The following SGMS1 variants were observed in gnomAD, a reference collection of about 807,000 sequenced individuals.
The protein encoded by SGMS1 is phosphatidylcholine:ceramide cholinephosphotransferase 1.
Under a neutral mutation model 46.2 loss-of-function variants are expected in SGMS1, and 13 were observed. The observed-to-expected ratio is 0.28, with a 90% CI of 0.18 to 0.45. The LOEUF is 0.45. Among genes scored for constraint, SGMS1 ranks in the 20% least tolerant of loss-of-function variants. The probability of loss-of-function intolerance (pLI) is 1.00; values close to 1 mark genes in which losing one functional copy is unlikely to be tolerated. For missense variants in SGMS1, 324 were observed against 519.9 expected, an observed-to-expected ratio of 0.62 and a Z score of 3.66; for synonymous variants, 203 against 187.8, an observed-to-expected ratio of 1.08 and a Z score of -0.66.
At chr10:50,497,562 G>A (rs577949277) in intron 3 of SGMS1, among the ~76,000 whole-genome samples, 8 of 152,216 alleles carry the variant, frequency 5.3e-5, no homozygotes, top group Non-Finnish European at 7.3e-5. Flanking sequence ...GGAGGCCGAG[G>A]CAGATGGATC....
At chr10:50,622,394 C>T (rs1384139340) in intron 1 of SGMS1, among the ~76,000 whole-genome samples, 3 of 152,188 alleles carry the variant, frequency 2.0e-5, no homozygotes, top group Non-Finnish European at 4.4e-5. Context: ...TCAGTCCCCC[C>T]TGAATGTTTC....
intron 6 of SGMS1, among the ~76,000 whole-genome samples, chr10:50,372,413 C>G (rs1329798895): frequency 1.3e-5 from 2 of 152,058 alleles, no homozygotes; most frequent in Non-Finnish European, 2.9e-5. Context: ...AGCTAATAGG[C>G]CGGGCACACG....
intron 2 of SGMS1, among the ~76,000 whole-genome samples, chr10:50,547,009 G>A (rs1838107319): frequency 6.6e-6 from 1 of 152,032 alleles, no homozygotes; most frequent in African/African-American, 2.4e-5. Flanking sequence ...TCCCAAAATA[G>A]GTATTACTGT....
chr10:50,356,794 A>G (rs1483838691), intron 6 of SGMS1, among the ~76,000 whole-genome samples: 1 of 152,166 alleles, frequency 6.6e-6, no homozygotes, highest in Admixed American at 6.5e-5. Context: ...TGGAACCATC[A>G]TTCTCAGCAA....
intron 6 of SGMS1, among the ~76,000 whole-genome samples, chr10:50,356,500 C>T (rs1343048087): frequency 6.6e-6 from 1 of 151,970 alleles, no homozygotes; most frequent in Non-Finnish European, 1.5e-5. Context: ...ACCTTCCCTC[C>T]ACTATTGTCC....
chr10:50,391,501 T>C (rs1848766458), intron 6 of SGMS1, among the ~76,000 whole-genome samples: 1 of 152,122 alleles, frequency 6.6e-6, no homozygotes, highest in South Asian at 2.1e-4. Flanking sequence ...TGGCTATTAT[T>C]AAAAAGCCAA....
intron 2 of SGMS1, among the ~76,000 whole-genome samples, chr10:50,583,494 C>T (rs1370267617): frequency 6.6e-6 from 1 of 152,122 alleles, no homozygotes; most frequent in Non-Finnish European, 1.5e-5. Flanking sequence ...TAGGAATAGG[C>T]CAATATACCT....
At chr10:50,443,797 G>A (rs1849575145) in intron 5 of SGMS1, among the ~76,000 whole-genome samples, 1 of 151,820 alleles carries the variant, frequency 6.6e-6, no homozygotes, top group African/African-American at 2.4e-5. Context: ...TATATTAAAA[G>A]TATAATATTG....
intron 6 of SGMS1, among the ~76,000 whole-genome samples, chr10:50,386,066 G>A (rs1848676863): frequency 6.6e-6 from 1 of 152,116 alleles, no homozygotes; most frequent in African/African-American, 2.4e-5. Flanking sequence ...ATTCTGCGAT[G>A]CCTAACACAT....
chr10:50,564,319 CTG>C (rs1169377631), intron 2 of SGMS1, among the ~76,000 whole-genome samples: 1 of 152,200 alleles, frequency 6.6e-6, no homozygotes, highest in Non-Finnish European at 1.5e-5. Context: ...TGTCTGTTTC[CTG>C]ACCCGGGTGG....
intron 3 of SGMS1, among the ~76,000 whole-genome samples, chr10:50,486,066 G>C (rs962378483): frequency 2.0e-5 from 3 of 152,046 alleles, no homozygotes; most frequent in African/African-American, 7.2e-5. Context: ...CAAGCAATGG[G>C]GAAAGGATTC....
intron 2 of SGMS1, among the ~76,000 whole-genome samples, chr10:50,572,182 G>T (rs1371197709): frequency 6.6e-6 from 1 of 152,136 alleles, no homozygotes; most frequent in Admixed American, 6.5e-5. Context: ...CCTTCTTCTA[G>T]GCAAAATGAA....
At chr10:50,395,778 C>A (rs1848840739) in intron 6 of SGMS1, among the ~76,000 whole-genome samples, 1 of 152,004 alleles carries the variant, frequency 6.6e-6, no homozygotes, top group African/African-American at 2.4e-5. Context: ...TTTTGATGTT[C>A]CGGCATCACT....
intron 3 of SGMS1, among the ~76,000 whole-genome samples, chr10:50,486,486 A>T (rs1475424340): frequency 6.6e-6 from 1 of 152,226 alleles, no homozygotes; most frequent in Non-Finnish European, 1.5e-5. Context: ...AAATGACCCC[A>T]TTAAAAAGTA....
chr10:50,324,108 G>T (rs1013995022), intron 8 of SGMS1, among the ~76,000 whole-genome samples: 17 of 152,080 alleles, frequency 1.1e-4, no homozygotes, highest in African/African-American at 4.1e-4. Flanking sequence ...TGTATAGTGC[G>T]TTACACCCAC....
At chr10:50,439,905 C>G (rs1225447247) in intron 5 of SGMS1, among the ~76,000 whole-genome samples, 2 of 152,138 alleles carry the variant, frequency 1.3e-5, no homozygotes, top group Admixed American at 6.5e-5. Flanking sequence ...TCGATTCATT[C>G]AACAGGTATT....
At chr10:50,577,645 A>G (rs1401666753) in intron 2 of SGMS1, among the ~76,000 whole-genome samples, 1 of 152,230 alleles carries the variant, frequency 6.6e-6, no homozygotes, top group Non-Finnish European at 1.5e-5. Flanking sequence ...GGAACTTTCT[A>G]TATTTAGGAA....
chr10:50,347,209 C>T (rs1847929145), intron 6 of SGMS1, among the ~76,000 whole-genome samples: 1 of 152,186 alleles, frequency 6.6e-6, no homozygotes, highest in African/African-American at 2.4e-5. Flanking sequence ...ACCCATAGAT[C>T]TACATGCCCA....
intron 5 of SGMS1, among the ~76,000 whole-genome samples, chr10:50,438,985 A>G (rs1849508494): frequency 6.6e-6 from 1 of 152,226 alleles, no homozygotes; most frequent in South Asian, 2.1e-4. Context: ...GAGAACTGTG[A>G]CCATTATATG....
Sources: gnomAD v4.1 joint callset for allele counts (sites outside exome capture counted in the v4.1 genomes callset) on GRCh38, gnomAD v4.1.1 for gene constraint, MANE v1.5 for transcripts, NCBI Gene and HGNC (gene_info 2026-07-23, HGNC 2026-07-21) for gene names.